Variants in SUSD1 observed in about 807,000 individuals in gnomAD.
SUSD1 encodes the protein sushi domain containing 1.
SUSD1 carries 65 observed loss-of-function variants against 86.9 expected under a neutral mutation model. The observed-to-expected ratio is 0.75, with a 90% CI of 0.61 to 0.92. SUSD1 has a LOEUF of 0.92. Ranked by LOEUF, SUSD1 falls within the 40% of genes least tolerant of loss-of-function variation. SUSD1 has a pLI of 0.00. For missense variants in SUSD1, 850 were observed against 929.7 expected (o/e 0.91, Z 1.11); for synonymous variants, 346 against 350.0 (o/e 0.99, Z 0.13).
chr9:112,173,486 C>T (rs777593102), intron 1 of SUSD1: 1 of 195,590 alleles, frequency 5.1e-6, no homozygotes, highest in Non-Finnish European at 1.1e-5. Context: ...CCAAGGGGGA[C>T]AATCCTTCTG....
Position 112,113,198 on chromosome 9 carries a change from G to C in SUSD1, c.887-330C>G, listed in dbSNP as rs189243805. Among the ~76,000 whole-genome samples, 66 of 152,236 alleles carry C rather than the reference G, an allele frequency of 4.3e-4. No individual in the cohort carries two copies. Among genetic ancestry groups the C allele is most frequent in the African/African-American group, 1.3e-3 (56 of 41,520 alleles). ...TAGAATGGAATGAGGCCCAGAGCTGGGTCCTCAGTGAGACCTTCCCTGCAA... is the reference window on the plus strand; with the variant it reads ...TAGAATGGAATGAGGCCCAGAGCTGCGTCCTCAGTGAGACCTTCCCTGCAA... On this transcript the variant is annotated intron_variant, in intron 6 of 16. Transcript: ENST00000374270. This position sits in a 1 kb window ranked among gnomAD's most constrained non-coding sequence, Gnocchi z 4.1.
chr9:112,097,322 C>T (rs1408753781), intron 10 of SUSD1, among the ~76,000 whole-genome samples: 2 of 148,056 alleles, frequency 1.4e-5, no homozygotes, highest in Admixed American at 1.3e-4. Flanking sequence ...GAGACTCCAT[C>T]TCAAAAAAAA....
chr9:112,080,690 GAA>G (rs56022766), intron 10 of SUSD1, among the ~76,000 whole-genome samples: 1 of 122,160 alleles, frequency 8.2e-6, no homozygotes, highest in Admixed American at 8.8e-5. Flanking sequence ...TCTGTCTCAA[GAA>G]AAAAAAAAAA....
intron 8 of SUSD1, among the ~76,000 whole-genome samples, chr9:112,107,254 C>CAAAAAAAAAAAAAAAAAAAAAAAAAAAAA (rs71382407): frequency 3.0e-5 from 2 of 66,192 alleles, no homozygotes; most frequent in African/African-American, 7.2e-5. Context: ...GACCATATCT[C>CAAAAAAAAAAAAAAAAAAAAAAAAAAAAA]AAAAAAAAAA....
chr9:112,154,338 A>G (rs1426893502), intron 2 of SUSD1, among the ~76,000 whole-genome samples: 2 of 149,526 alleles, frequency 1.3e-5, no homozygotes, highest in African/African-American at 4.9e-5. Context: ...ACACACACAA[A>G]AAAAAAAAAA....
chr9:112,089,811 C>CAAAAAAAAAAAA (rs3983407), intron 10 of SUSD1, among the ~76,000 whole-genome samples: 2 of 115,956 alleles, frequency 1.7e-5, no homozygotes, highest in Non-Finnish European at 3.7e-5. Context: ...GATTCCATCT[C>CAAAAAAAAAAAA]AAAAAAAAAA....
chr9:112,096,007 A>T (rs144755926), intron 10 of SUSD1, among the ~76,000 whole-genome samples: 1 of 152,298 alleles, frequency 6.6e-6, no homozygotes, highest in Non-Finnish European at 1.5e-5. Context: ...TTTCAAGGAG[A>T]GTACAGTGTC....
chr9:112,054,365 G>A (rs539897620), intron 14 of SUSD1, among the ~76,000 whole-genome samples: 12 of 152,188 alleles, frequency 7.9e-5, no homozygotes, highest in South Asian at 4.2e-4. Flanking sequence ...TAGGAGAAGC[G>A]CTTAAGCCCA....
intron 12 of SUSD1, among the ~76,000 whole-genome samples, chr9:112,064,613 C>T (rs536672641): frequency 1.3e-5 from 2 of 151,542 alleles, no homozygotes; most frequent in African/African-American, 2.4e-5. Flanking sequence ...CGGTGGCTCA[C>T]GCCTGTAATC....
chr9:112,119,233 G>A (rs973631426), intron 6 of SUSD1, among the ~76,000 whole-genome samples: 2 of 152,234 alleles, frequency 1.3e-5, no homozygotes, highest in Admixed American at 6.5e-5. Context: ...GGGTGTGTAC[G>A]TTCATGCTCA....
rs1249200553 is a variant in SUSD1 at position 112,113,761 on chromosome 9, A to T, written c.887-893T>A. 6.6e-6 allele frequency among the ~76,000 whole-genome samples: 1 copy of T among 151,832 alleles called. No individual in the cohort carries two copies. Among genetic ancestry groups the T allele is most frequent in the Non-Finnish European group, 1.5e-5 (1 of 67,964 alleles). On this transcript the variant is annotated intron_variant, in intron 6 of 16. Coordinates refer to ENST00000374270, the MANE Select transcript of SUSD1 (RefSeq NM_022486.5). The surrounding 1 kb of genome is among the most constrained non-coding windows in gnomAD (Gnocchi z 4.1). The stretch of plus-strand genomic sequence containing the variant: ...AGCCTGGCCAACATAGTGAAACCCC[A>T]TCTCTACTAAAAATACAAAACTTAG...
chr9:112,103,839 T>C (rs2131622568), intron 8 of SUSD1, among the ~76,000 whole-genome samples: 1 of 152,114 alleles, frequency 6.6e-6, no homozygotes, highest in South Asian at 2.1e-4. Flanking sequence ...TCACAAAGTT[T>C]CAAAAGAAAG....
At chr9:112,147,623 G>C (rs1416415430) in intron 3 of SUSD1, among the ~76,000 whole-genome samples, 1 of 152,052 alleles carries the variant, frequency 6.6e-6, no homozygotes, top group African/African-American at 2.4e-5. Flanking sequence ...ACAAAAATTA[G>C]CCAGTCGTGG....
chr9:112,048,934 T>C (rs1828072578), intron 15 of SUSD1, among the ~76,000 whole-genome samples: 1 of 152,118 alleles, frequency 6.6e-6, no homozygotes. Flanking sequence ...ATAAAAGATG[T>C]AATTAGAAGG....
intron 14 of SUSD1, 55 bp downstream of exon 14, chr9:112,058,373 A>C: frequency 6.4e-7 from 1 of 1,571,204 alleles, no homozygotes. Context: ...CAAACATTTA[A>C]ATGTCATACG....
chr9:112,105,791 A>T (rs1362934705), intron 8 of SUSD1, among the ~76,000 whole-genome samples: 2 of 152,216 alleles, frequency 1.3e-5, no homozygotes, highest in African/African-American at 2.4e-5. Context: ...CTATCCGTCC[A>T]CTACCCAGAC....
chr9:112,049,134 G>C (rs772136086), intron 15 of SUSD1, among the ~76,000 whole-genome samples: 3 of 152,188 alleles, frequency 2.0e-5, no homozygotes, highest in Non-Finnish European at 2.9e-5. Flanking sequence ...CGTCATCCCT[G>C]CTACAGGTAG....
chr9:112,148,623 T>A (rs1832908466), intron 3 of SUSD1, among the ~76,000 whole-genome samples: 2 of 151,948 alleles, frequency 1.3e-5, no homozygotes, highest in South Asian at 4.2e-4. Flanking sequence ...ATGAAAACGA[T>A]CAGGCCAGGT....
At chr9:112,060,646 T>A (rs1828679666) in intron 13 of SUSD1, among the ~76,000 whole-genome samples, 1 of 152,170 alleles carries the variant, frequency 6.6e-6, no homozygotes, top group African/African-American at 2.4e-5. Flanking sequence ...CCAAGGGCTT[T>A]CTACAAAAGA....
Sources: allele counts gnomAD v4.1 joint callset (sites outside exome capture counted in the v4.1 genomes callset), GRCh38; gene constraint gnomAD v4.1.1; non-coding constraint Gnocchi (gnomAD v3.1); transcripts MANE v1.5; gene names NCBI Gene and HGNC (gene_info 2026-07-23, HGNC 2026-07-21).